Variants in KCNJ6 observed in about 807,000 individuals in gnomAD.
The protein encoded by KCNJ6 is G protein-activated inward rectifier potassium channel 2.
Under a neutral mutation model 34.2 loss-of-function variants are expected in KCNJ6, and 9 were observed. That is an observed-to-expected ratio of 0.26 (90% CI 0.16 to 0.46). The LOEUF (loss-of-function observed/expected upper bound fraction) is 0.46. KCNJ6 is among the 20% of genes least tolerant of loss of function. KCNJ6 has a pLI of 1.00. For missense variants in KCNJ6, 236 were observed against 531.3 expected (o/e 0.44, Z 5.46); for synonymous variants, 196 against 207.1 (o/e 0.95, Z 0.46).
chr21:37,761,717 TTG>T (rs1326503385), intron 2 of KCNJ6, among the ~76,000 whole-genome samples: 20 of 151,358 alleles, frequency 1.3e-4, no homozygotes, highest in African/African-American at 3.9e-4. Flanking sequence ...ATGTGTATAT[TTG>T]TGTGTGTGGT....
In KCNJ6 at chr21:37,619,061, A is replaced by G. The variant is rs555574749; in HGVS notation, c.*6098T>C. On this transcript the variant is annotated 3_prime_UTR_variant, in exon 4 of 4. Coordinates refer to ENST00000609713, the MANE Select transcript of KCNJ6 (RefSeq NM_002240.5). ...GATACCATTACCTACTTAGTTTCAGACGCAGGATCAAATCCATCCTTTATC... is the reference window on the plus strand; with the variant it reads ...GATACCATTACCTACTTAGTTTCAGGCGCAGGATCAAATCCATCCTTTATC... 1 of 152,248 alleles carries G rather than the reference A, an allele frequency of 6.6e-6. No individual in the cohort carries two copies. The allele number at this position is 152,248 out of a possible 1,614,324, so 9.4% of individuals were successfully genotyped here.
Position 37,823,169 on chromosome 21 carries a change from C to T in KCNJ6, c.25+17489G>A, listed in dbSNP as rs528367571. On this transcript the variant is annotated intron_variant, in intron 2 of 3. Transcript: ENST00000609713. ...TGCAGGCCAGCACCTGCCGAACCAGCCCCCACGGCCACCCCAACACCAGGC... is the reference window on the plus strand; with the variant it reads ...TGCAGGCCAGCACCTGCCGAACCAGTCCCCACGGCCACCCCAACACCAGGC... Among the ~76,000 whole-genome samples, 9 of 152,238 alleles carry T rather than the reference C, an allele frequency of 5.9e-5. No individual in the cohort carries two copies. In the South Asian group the frequency reaches 1.9e-3, roughly 32 times the overall value.
chr21:37,619,428 C>T lies in KCNJ6; in HGVS notation c.*5731G>A, dbSNP rs550268439. 3.5e-4 allele frequency: 53 copies of T among 152,354 alleles called. No homozygotes were observed. The highest frequency in any genetic ancestry group is 1.2e-3 in the African/African-American group (50 of 41,582). The allele number at this position is 152,354 out of a possible 1,614,324, so 9.4% of individuals were successfully genotyped here. A position where few individuals can be genotyped will look rare whatever the true frequency, so the allele number is the denominator to read the frequency against. On this transcript the variant is annotated 3_prime_UTR_variant, in exon 4 of 4. Transcript: ENST00000609713. ...AATCCAACAACCCTTTACTATACTTCCGTGTCTCCCTGAGCTCTTTTCAAA... is the reference window on the plus strand; with the variant it reads ...AATCCAACAACCCTTTACTATACTTTCGTGTCTCCCTGAGCTCTTTTCAAA...
intron 2 of KCNJ6, among the ~76,000 whole-genome samples, chr21:37,819,409 T>C (rs1370899157): frequency 2.6e-5 from 4 of 152,152 alleles, no homozygotes; most frequent in Non-Finnish European, 5.9e-5. Flanking sequence ...CATAAATTAT[T>C]AGTAGAATGA....
intron 2 of KCNJ6, among the ~76,000 whole-genome samples, chr21:37,821,461 T>C (rs1816716217): frequency 6.6e-6 from 1 of 152,192 alleles, no homozygotes; most frequent in Non-Finnish European, 1.5e-5. Context: ...AAGCGTGTCA[T>C]GGTGGTTTGC....
intron 3 of KCNJ6, among the ~76,000 whole-genome samples, chr21:37,673,606 AACACAGGG>A (rs1189552187): frequency 6.6e-6 from 1 of 152,252 alleles, no homozygotes; most frequent in Non-Finnish European, 1.5e-5. Flanking sequence ...GATAGGACAC[AACACAGGG>A]ACACAGGGAT....
At chr21:37,766,496 GA>G (rs927854794) in intron 2 of KCNJ6, among the ~76,000 whole-genome samples, 1 of 152,072 alleles carries the variant, frequency 6.6e-6, no homozygotes, top group African/African-American at 2.4e-5. Context: ...GCTGAAGTCA[GA>G]AAAAAATAAC....
At chr21:37,767,825 G>A (rs1349312934) in intron 2 of KCNJ6, among the ~76,000 whole-genome samples, 1 of 152,016 alleles carries the variant, frequency 6.6e-6, no homozygotes, top group Non-Finnish European at 1.5e-5. Flanking sequence ...ATCGTGAGAG[G>A]GGAATTTAAA....
At chr21:37,882,222 A>T (rs932871140) in intron 1 of KCNJ6, among the ~76,000 whole-genome samples, 4 of 152,134 alleles carry the variant, frequency 2.6e-5, no homozygotes, top group African/African-American at 9.7e-5. Context: ...TTTCCAAAGC[A>T]GTGTGAGCAG....
At chr21:37,682,987 G>T (rs560227486) in intron 3 of KCNJ6, among the ~76,000 whole-genome samples, 22 of 152,296 alleles carry the variant, frequency 1.4e-4, no homozygotes, top group African/African-American at 5.3e-4. Flanking sequence ...ACCGCGCTTC[G>T]GCCAAATCAG....
chr21:37,750,282 C>T (rs965979830), intron 2 of KCNJ6, among the ~76,000 whole-genome samples: 20 of 152,166 alleles, frequency 1.3e-4, no homozygotes, highest in Non-Finnish European at 4.4e-5. Flanking sequence ...CTGTTGGTGG[C>T]AGTGTAAATT....
rs192735200 is a variant in KCNJ6 at position 37,838,345 on chromosome 21, C to T, written c.25+2313G>A. On this transcript the variant is annotated intron_variant, in intron 2 of 3. Transcript: ENST00000609713. ...GCTTTATCAGAAATATTAATCAGTA[C>T]GGTACCCTTCCAATTCAGTCAGGTG... Among the ~76,000 whole-genome samples, 29 of 152,292 alleles carry T rather than the reference C, an allele frequency of 1.9e-4. No homozygotes were observed. In the East Asian group the frequency reaches 3.7e-3, roughly 19 times the overall value.
intron 3 of KCNJ6, among the ~76,000 whole-genome samples, chr21:37,685,630 G>A (rs1159005004): frequency 1.8e-5 from 2 of 108,762 alleles, no homozygotes; most frequent in Non-Finnish European, 1.8e-5. Flanking sequence ...GCAGTGAGCC[G>A]AGATTGAGCC....
chr21:37,896,839 C>A (rs944053405), intron 1 of KCNJ6, among the ~76,000 whole-genome samples: 1 of 152,160 alleles, frequency 6.6e-6, no homozygotes, highest in Non-Finnish European at 1.5e-5. Flanking sequence ...CACACCTCCA[C>A]CAAAAACAGA....
chr21:37,764,170 T>G (rs1279409505), intron 2 of KCNJ6, among the ~76,000 whole-genome samples: 1 of 152,114 alleles, frequency 6.6e-6, no homozygotes, highest in Non-Finnish European at 1.5e-5. Context: ...TGAGTGAGAT[T>G]GAGGGTCTGG....
At chr21:37,897,350 G>A (rs2055794021) in intron 1 of KCNJ6, among the ~76,000 whole-genome samples, 1 of 152,178 alleles carries the variant, frequency 6.6e-6, no homozygotes, top group Admixed American at 6.5e-5. Context: ...AGTGACCCCC[G>A]ATGACAGCCA....
chr21:37,635,499 T>C (rs1163419670), intron 3 of KCNJ6, among the ~76,000 whole-genome samples: 4 of 151,576 alleles, frequency 2.6e-5, no homozygotes, highest in African/African-American at 9.7e-5. Flanking sequence ...ATTACAGGTG[T>C]GAGCCACCGC....
At chr21:37,822,982 T>C (rs1008867708) in intron 2 of KCNJ6, among the ~76,000 whole-genome samples, 1 of 152,118 alleles carries the variant, frequency 6.6e-6, no homozygotes, top group African/African-American at 2.4e-5. Context: ...TCACAAGAGC[T>C]AAGGAAACCA....
In KCNJ6 at chr21:37,618,985, C is replaced by T. The variant is rs539005133; in HGVS notation, c.*6174G>A. 1.7e-3 allele frequency: 266 copies of T among 152,352 alleles called. 2 individuals are homozygous for T. The highest frequency in any genetic ancestry group is 6.2e-3 in the African/African-American group (258 of 41,578). The allele number at this position is 152,352 out of a possible 1,614,324, so 9.4% of individuals were successfully genotyped here. A position where few individuals can be genotyped will look rare whatever the true frequency, so the allele number is the denominator to read the frequency against. On this transcript the variant is annotated 3_prime_UTR_variant, in exon 4 of 4. Transcript: ENST00000609713. The stretch of plus-strand genomic sequence containing the variant: ...CCTCCCACTTAGTTGTTTCCTCCCA[C>T]TCTTCCATGCAGTTGAAGGGTCACA...
Sources: allele counts gnomAD v4.1 joint callset (sites outside exome capture counted in the v4.1 genomes callset), GRCh38; gene constraint gnomAD v4.1.1; transcripts MANE v1.5; gene names NCBI Gene and HGNC (gene_info 2026-07-23, HGNC 2026-07-21).